Variants in ASAP1 observed in about 807,000 individuals in gnomAD.
The protein encoded by ASAP1 is ArfGAP with SH3 domain, ankyrin repeat and PH domain 1, also known as arf-GAP with SH3 domain, ANK repeat and PH domain-containing protein 1.
ASAP1 carries 43 observed loss-of-function variants against 145.2 expected under a neutral mutation model. That is an observed-to-expected ratio of 0.30 (90% CI 0.23 to 0.38). ASAP1 has a LOEUF of 0.38. ASAP1 is among the 10% of genes least tolerant of loss of function. ASAP1 has a pLI of 1.00. For missense variants in ASAP1, 1,018 were observed against 1,355.3 expected (o/e 0.75, Z 3.91); for synonymous variants, 546 against 515.5 (o/e 1.06, Z -0.80).
intron 3 of ASAP1, among the ~76,000 whole-genome samples, chr8:130,341,250 T>C (rs542395169): frequency 6.6e-6 from 1 of 152,264 alleles, no homozygotes; most frequent in Non-Finnish European, 1.5e-5. Flanking sequence ...AAAATGGATG[T>C]ATGGCTCAAG....
At chr8:130,363,539 C>T (rs1035910123) in intron 2 of ASAP1, among the ~76,000 whole-genome samples, 12 of 152,126 alleles carry the variant, frequency 7.9e-5, no homozygotes, top group African/African-American at 2.9e-4. Flanking sequence ...ACCAGAGAAA[C>T]CTAAGGCTGC....
intron 25 of ASAP1, among the ~76,000 whole-genome samples, chr8:130,090,489 A>G (rs1254467327): frequency 1.3e-5 from 2 of 152,182 alleles, no homozygotes; most frequent in African/African-American, 2.4e-5. Context: ...GCACACCTCA[A>G]TTGTTCTTGC....
chr8:130,194,796 A>C (rs1384506036), intron 5 of ASAP1, among the ~76,000 whole-genome samples: 1 of 152,098 alleles, frequency 6.6e-6, no homozygotes, highest in African/African-American at 2.4e-5. Context: ...TCAGGAGGTA[A>C]TGCTTGCTCA....
At chr8:130,150,938 AG>A (rs2097644902) in intron 13 of ASAP1, among the ~76,000 whole-genome samples, 1 of 152,220 alleles carries the variant, frequency 6.6e-6, no homozygotes, top group Non-Finnish European at 1.5e-5. Context: ...ATATAGTCAA[AG>A]GATCAGAAAT....
chr8:130,097,982 T>C (rs1406000275), intron 24 of ASAP1, among the ~76,000 whole-genome samples: 1 of 152,222 alleles, frequency 6.6e-6, no homozygotes, highest in Non-Finnish European at 1.5e-5. Flanking sequence ...CCTAAAATCA[T>C]AATCAGCATG....
chr8:130,101,999 C>T (rs534050058), intron 24 of ASAP1, among the ~76,000 whole-genome samples: 2 of 151,702 alleles, frequency 1.3e-5, no homozygotes, highest in African/African-American at 2.4e-5. Context: ...TTTTTGGTGA[C>T]GTCTTTAGGT....
At chr8:130,125,909 A>C in intron 17 of ASAP1, 47 bp downstream of exon 17, 1 of 1,551,252 alleles carries the variant, frequency 6.4e-7, no homozygotes, top group Non-Finnish European at 8.7e-7. Context: ...TATTAAAATT[A>C]CTCATGACAA....
intron 15 of ASAP1, among the ~76,000 whole-genome samples, chr8:130,131,496 G>A (rs1036775812): frequency 5.3e-5 from 8 of 150,142 alleles, no homozygotes; most frequent in Non-Finnish European, 1.2e-4. Context: ...GGGCACTATA[G>A]CTCACGCCTG....
intron 3 of ASAP1, among the ~76,000 whole-genome samples, chr8:130,284,441 C>T (rs1449142877): frequency 6.6e-6 from 1 of 151,064 alleles, no homozygotes; most frequent in Non-Finnish European, 1.5e-5. Context: ...ATTGTAGTAA[C>T]TCAACTTTTC....
At chr8:130,395,059 T>C (rs1158314662) in intron 2 of ASAP1, among the ~76,000 whole-genome samples, 1 of 152,158 alleles carries the variant, frequency 6.6e-6, no homozygotes, top group Non-Finnish European at 1.5e-5. Flanking sequence ...AGAAAGAGCA[T>C]TTCCCATCAA....
At chr8:130,180,907 T>A (rs937712456) in intron 7 of ASAP1, 27 bp from the exon 8 acceptor site, 134 of 1,322,756 alleles carry the variant, frequency 1.0e-4, no homozygotes, top group Middle Eastern at 2.0e-4. Flanking sequence ...TGTCATTATT[T>A]AAAAAAAAAA....
At chr8:130,370,126 C>A (rs1184841133) in intron 2 of ASAP1, among the ~76,000 whole-genome samples, 1 of 152,148 alleles carries the variant, frequency 6.6e-6, no homozygotes. Flanking sequence ...CATGGCAAAA[C>A]CCCGTCTCTA....
chr8:130,077,764 C>T (rs2097466748), intron 26 of ASAP1, among the ~76,000 whole-genome samples: 2 of 152,062 alleles, frequency 1.3e-5, no homozygotes, highest in Admixed American at 1.3e-4. Context: ...TCTGTCCTGG[C>T]TCTTGGCCAT....
In ASAP1 at chr8:130,351,700, T is replaced by C. The variant is rs576311431; in HGVS notation, c.186+6317A>G. 2.1e-3 allele frequency among the ~76,000 whole-genome samples: 323 copies of C among 152,278 alleles called. 1 individual carries two copies. Among genetic ancestry groups the C allele is most frequent in the African/African-American group, 7.4e-3 (309 of 41,556 alleles). ...AAACACTGGATCTCAAGAGAACTAA[T>C]TGAGCAAGAACTCACTTATCACCAA... On this transcript the variant is annotated intron_variant, in intron 3 of 29. Coordinates refer to ENST00000518721, the MANE Select transcript of ASAP1 (RefSeq NM_018482.4).
At chr8:130,381,621 GA>G (rs1333841064) in intron 2 of ASAP1, among the ~76,000 whole-genome samples, 2 of 152,156 alleles carry the variant, frequency 1.3e-5, no homozygotes, top group Non-Finnish European at 2.9e-5. Context: ...CTCCAAGCTA[GA>G]AAAGAATCAC....
intron 4 of ASAP1, among the ~76,000 whole-genome samples, chr8:130,223,554 T>A (rs1817418012): frequency 6.6e-6 from 1 of 152,330 alleles, no homozygotes; most frequent in South Asian, 2.1e-4. Context: ...AATTCCAGGT[T>A]TTCTGTTTAT....
At chr8:130,428,687 A>G (rs202126408) in intron 1 of ASAP1, among the ~76,000 whole-genome samples, 1 of 145,064 alleles carries the variant, frequency 6.9e-6, no homozygotes, top group Non-Finnish European at 1.5e-5. Context: ...TCACCATCAG[A>G]ACTACCACCA....
chr8:130,440,778 C>G (rs1160730178), intron 1 of ASAP1, among the ~76,000 whole-genome samples: 3 of 152,202 alleles, frequency 2.0e-5, no homozygotes, highest in Non-Finnish European at 4.4e-5. Flanking sequence ...GAAGGCCCTC[C>G]CCTGCAATCT....
At chr8:130,380,910 G>A (rs764036558) in intron 2 of ASAP1, among the ~76,000 whole-genome samples, 2 of 151,850 alleles carry the variant, frequency 1.3e-5, no homozygotes, top group African/African-American at 2.4e-5. Flanking sequence ...ATTGAGACAG[G>A]GTCTCTCTCT....
Sources: allele counts gnomAD v4.1 joint callset (sites outside exome capture counted in the v4.1 genomes callset), GRCh38; gene constraint gnomAD v4.1.1; transcripts MANE v1.5; gene names NCBI Gene and HGNC (gene_info 2026-07-23, HGNC 2026-07-21).